Variants in RAP1B observed in about 807,000 individuals in gnomAD.
The protein encoded by RAP1B is RAP1B, member of RAS oncogene family.
A neutral mutation model predicts 27.5 loss-of-function variants in RAP1B; 1 was observed. That is an observed-to-expected ratio of 0.04 (90% CI 0.01 to 0.17). The LOEUF is 0.17. Ranked by LOEUF, RAP1B falls within the 10% of genes least tolerant of loss-of-function variation. The pLI, the probability that RAP1B is intolerant of heterozygous loss-of-function variation, is 1.00. For missense variants in RAP1B, 84 were observed against 214.8 expected, an observed-to-expected ratio of 0.39 and a Z score of 3.81; for synonymous variants, 75 against 73.1, an observed-to-expected ratio of 1.03 and a Z score of -0.13.
intron 1 of RAP1B, among the ~76,000 whole-genome samples, chr12:68,621,119 G>T (rs560649200): frequency 1.3e-5 from 2 of 152,242 alleles, no homozygotes; most frequent in South Asian, 4.1e-4. Flanking sequence ...AAAGGTTTAG[G>T]GAAGGAATAC....
At chr12:68,657,412 ATTC>A (rs1054538397) in intron 7 of RAP1B, 195 bp downstream of exon 7, 1 of 377,534 alleles carries the variant, frequency 2.6e-6, no homozygotes, top group Non-Finnish European at 4.8e-6. Context: ...TCACATAAGT[ATTC>A]TTTTTTTGAG....
Position 68,670,882 on chromosome 12 carries a change from G to C in RAP1B, c.*11633G>C, listed in dbSNP as rs369511606. The C allele has an allele frequency of 5.3e-5, 8 of 151,990 alleles. No homozygotes were observed. Among genetic ancestry groups the C allele is most frequent in the East Asian group, 3.9e-4 (2 of 5,188 alleles). 9.4% of individuals were successfully genotyped at this position (151,990 alleles called of 1,614,324 possible). On this transcript the variant is annotated 3_prime_UTR_variant, in exon 8 of 8. Coordinates refer to ENST00000250559, the MANE Select transcript of RAP1B (RefSeq NM_001010942.3). ...CATCTCTACTAAAAATACAAAATTA[G>C]CTGGGTGTGGTGGTGCATGCCTGTA... is the stretch of plus-strand genomic sequence containing the variant.
In RAP1B at chr12:68,656,355, T is replaced by G; in HGVS notation, c.374T>G (p.Val125Gly). 1 of 1,607,894 alleles carries G rather than the reference T, an allele frequency of 6.2e-7. No homozygotes were observed. Among genetic ancestry groups the G allele is most frequent in the South Asian group, 1.1e-5 (1 of 90,948 alleles). Residue 125 changes from valine to glycine, a missense_variant, in exon 6 of 8, where the codon GTT (valine) becomes GGT (glycine). By Grantham distance (109) the Val-to-Gly change is moderately radical. Coordinates refer to ENST00000250559, the MANE Select transcript of RAP1B (RefSeq NM_001010942.3). ...GNKCDLEDER[V>G]VGKEQGQNLA... ...AAGTGTGACTTGGAAGATGAAAGAG[T>G]TGTAGGGAAGGAACAAGGTCAAAAT...
chr12:68,629,707 A>AGCAC (rs557310772), intron 1 of RAP1B, among the ~76,000 whole-genome samples: 88 of 152,226 alleles, frequency 5.8e-4, no homozygotes, highest in African/African-American at 2.0e-3. Flanking sequence ...AAACAACTCA[A>AGCAC]TCTGTTAACT....
intron 3 of RAP1B, among the ~76,000 whole-genome samples, chr12:68,651,370 T>A (rs2135962308): frequency 6.6e-6 from 1 of 152,246 alleles, no homozygotes; most frequent in Middle Eastern, 3.4e-3. Flanking sequence ...TCCCTCCATG[T>A]GCATAGTCTA....
At chr12:68,626,142 A>C (rs534560233) in intron 1 of RAP1B, among the ~76,000 whole-genome samples, 127 of 152,342 alleles carry the variant, frequency 8.3e-4, no homozygotes, top group African/African-American at 3.0e-3. Flanking sequence ...ATCCTTGTGG[A>C]GGGTGGTGGT....
At chr12:68,658,091 T>C (rs1874356830) in intron 7 of RAP1B, among the ~76,000 whole-genome samples, 1 of 152,248 alleles carries the variant, frequency 6.6e-6, no homozygotes, top group South Asian at 2.1e-4. Flanking sequence ...GGTTTCCTCT[T>C]CAGCTGTCAT....
intron 1 of RAP1B, among the ~76,000 whole-genome samples, chr12:68,646,358 C>T (rs187246459): frequency 2.0e-5 from 3 of 151,742 alleles, no homozygotes; most frequent in East Asian, 3.9e-4. Flanking sequence ...TGCAGTGGCA[C>T]GATCTCAGCT....
At chr12:68,641,402 T>C (rs1247042292) in intron 1 of RAP1B, among the ~76,000 whole-genome samples, 2 of 152,226 alleles carry the variant, frequency 1.3e-5, no homozygotes, top group East Asian at 3.8e-4. Context: ...TGTCTTTCCA[T>C]GTCTTTGCTG....
chr12:68,644,848 C>T (rs979926971), intron 1 of RAP1B, among the ~76,000 whole-genome samples: 5 of 151,560 alleles, frequency 3.3e-5, no homozygotes, highest in Non-Finnish European at 7.4e-5. Context: ...GCCACCACAC[C>T]CGGCTAATTT....
Position 68,640,700 on chromosome 12 carries a change from CTTG to C in RAP1B, c.-26-7996_-26-7994del, listed in dbSNP as rs1234000599. The stretch of plus-strand genomic sequence containing the variant: ...TCCTCAGTGATTTTTTAGAATAATT[CTTG>C]TTCATAATTTGGATCAGTAATATCT... On this transcript the variant is annotated intron_variant, in intron 1 of 7. Transcript: ENST00000250559. Among the ~76,000 whole-genome samples, 3 of 151,870 alleles carry C rather than the reference CTTG, an allele frequency of 2.0e-5. No homozygotes were observed. In the South Asian group the frequency reaches 6.2e-4, roughly 32 times the overall value.
intron 1 of RAP1B, among the ~76,000 whole-genome samples, chr12:68,639,145 A>T (rs1228828857): frequency 6.6e-6 from 1 of 152,238 alleles, no homozygotes; most frequent in Non-Finnish European, 1.5e-5. Context: ...TACAATATTC[A>T]TAATTTTTAG....
Position 68,659,375 on chromosome 12 carries a change from T to G in RAP1B, c.*126T>G. ...TGGACTTTCCTGTGGTGGTACCCTT[T>G]AAGAGGCGGATGAAAGCTACTATAT... On this transcript the variant is annotated 3_prime_UTR_variant, in exon 8 of 8. Transcript: ENST00000250559. The G allele has an allele frequency of 2.3e-6, 1 of 434,790 alleles. No individual in the cohort carries two copies. The highest frequency in any genetic ancestry group is 1.7e-5 in the South Asian group (1 of 60,570). 26.9% of individuals were successfully genotyped at this position (434,790 alleles called of 1,614,324 possible).
chr12:68,657,383 T>C (rs549058840), intron 7 of RAP1B, 166 bp downstream of exon 7: 6 of 478,192 alleles, frequency 1.3e-5, no homozygotes, highest in East Asian at 3.6e-5. Context: ...TATTTACTTA[T>C]CATCATGAGT....
chr12:68,613,798 T>C (rs12304345), intron 1 of RAP1B, among the ~76,000 whole-genome samples: 9,854 of 152,300 alleles, frequency 0.065, 810 homozygotes, highest in African/African-American at 0.2. Flanking sequence ...AGAGAGGATA[T>C]TTGAAGAGAA....
intron 1 of RAP1B, among the ~76,000 whole-genome samples, chr12:68,632,141 T>G (rs78496191): frequency 0.027 from 3,685 of 135,254 alleles, 184 homozygotes; most frequent in African/African-American, 0.1. Flanking sequence ...TTTTTTTTTT[T>G]TTTTGTTTGT....
intron 1 of RAP1B, among the ~76,000 whole-genome samples, chr12:68,629,494 G>C (rs139248714): frequency 6.6e-6 from 1 of 152,150 alleles, no homozygotes; most frequent in Admixed American, 6.5e-5. Context: ...ATGTTAGACC[G>C]TGTGTATTTT....
intron 1 of RAP1B, among the ~76,000 whole-genome samples, chr12:68,640,383 T>G (rs1290093984): frequency 6.6e-6 from 1 of 152,112 alleles, no homozygotes; most frequent in African/African-American, 2.4e-5. Context: ...CTCTATACCC[T>G]TTACTCCAGA....
At chr12:68,619,577 TGTA>T (rs1871253645) in intron 1 of RAP1B, among the ~76,000 whole-genome samples, 1 of 152,206 alleles carries the variant, frequency 6.6e-6, no homozygotes. Context: ...TGAGCTTTGG[TGTA>T]GTGTCAAAGA....
Sources: gnomAD v4.1 joint callset for allele counts (sites outside exome capture counted in the v4.1 genomes callset) on GRCh38, gnomAD v4.1.1 for gene constraint, MANE v1.5 for transcripts, NCBI Gene and HGNC (gene_info 2026-07-23, HGNC 2026-07-21) for gene names.